Variants in ZNF394 observed in about 807,000 individuals in gnomAD.
ZNF394 encodes the protein zinc finger protein 99.
A neutral mutation model predicts 21.8 loss-of-function variants in ZNF394; 19 were observed. That is an observed-to-expected ratio of 0.87 (90% CI 0.61 to 1.28). The LOEUF is 1.28. Among genes scored for constraint, ZNF394 ranks in the 50% most tolerant of loss-of-function variants. The pLI, the probability that ZNF394 is intolerant of heterozygous loss-of-function variation, is 0.00. For synonymous variants in ZNF394, 294 were observed against 273.3 expected (o/e 1.08, Z -0.75); for missense variants, 683 against 708.6 (o/e 0.96, Z 0.41).
intron 2 of ZNF394, among the ~76,000 whole-genome samples, chr7:99,496,323 TG>T (rs1800309575): frequency 6.6e-6 from 1 of 151,560 alleles, no homozygotes; most frequent in South Asian, 2.1e-4. Context: ...CCCAAAGTGC[TG>T]GGATTACAGG....
intron 1 of ZNF394, among the ~76,000 whole-genome samples, chr7:99,487,753 G>A (rs1378234108): frequency 6.6e-6 from 1 of 151,916 alleles, no homozygotes; most frequent in East Asian, 1.9e-4. Flanking sequence ...AGAAGGCTGG[G>A]TGACAGAGTG....
downstream of ZNF394, among the ~76,000 whole-genome samples, chr7:99,491,106 C>T (rs931602882): frequency 5.3e-5 from 8 of 152,202 alleles, no homozygotes; most frequent in East Asian, 1.9e-4. Context: ...GTCTCCTGAC[C>T]GTGATGGTGG....
downstream of ZNF394, among the ~76,000 whole-genome samples, chr7:99,489,403 T>C (rs1329199033): frequency 6.6e-6 from 1 of 152,196 alleles, no homozygotes; most frequent in African/African-American, 2.4e-5. Flanking sequence ...TGTCTGCACC[T>C]TGTGGCCTGT....
rs1043287509 is a variant in ZNF394, at chr7:99,494,722, C to A, written c.584-91G>T. 11 of 1,424,666 alleles carry A rather than the reference C, an allele frequency of 7.7e-6. No individual in the cohort carries two copies. The African/African-American group carries it at 1.3e-4, about 16-fold the overall frequency. The allele number at this position is 1,424,666 out of a possible 1,614,324, so 88.3% of individuals were successfully genotyped here. On this transcript the variant is annotated intron_variant, in intron 2 of 2. Coordinates refer to ENST00000337673, the MANE Select transcript of ZNF394 (RefSeq NM_032164.4). ...GGCAGAATGTTAAACCCTCAAACCCCTTTTACTTTTTAATTAATTAATTTA... is the reference window on the plus strand; with the variant it reads ...GGCAGAATGTTAAACCCTCAAACCCATTTTACTTTTTAATTAATTAATTTA...
In ZNF394 at chr7:99,494,237, C is replaced by G; in HGVS notation, c.978G>C (p.Trp326Cys). Reference protein sequence around the residue: ...KCKQSFHMVTWHVLKPHKSDS... With the variant: ...KCKQSFHMVTCHVLKPHKSDS... ...CAGACTTGTGAGGTTTCAGCACGTGCCACGTCACCATGTGGAAACTTTGCT... is the reference window on the plus strand; with the variant it reads ...CAGACTTGTGAGGTTTCAGCACGTGGCACGTCACCATGTGGAAACTTTGCT... The change falls in exon 3 of 3, where the codon TGG (tryptophan) becomes TGC (cysteine). Residue 326 changes from tryptophan to cysteine, a missense_variant. Transcript: ENST00000337673. 6.2e-7 allele frequency: 1 copy of G among 1,614,260 alleles called. No individual in the cohort carries two copies. Among genetic ancestry groups the G allele is most frequent in the Non-Finnish European group, 8.5e-7 (1 of 1,180,054 alleles).
Position 99,499,672 on chromosome 7 carries a change from G to C in ZNF394, c.422C>G (p.Ala141Gly), listed in dbSNP as rs763503260. The stretch of plus-strand genomic sequence containing the variant: ...GGTTCCATCGAGCGCTCGCTGCAGA[G>C]CCCGCACCACGGCCACCGCCTCCTC... ...SGEEAVAVVR[A>G]LQRALDGTSS... The change falls in exon 1 of 3, where the codon GCT (alanine) becomes GGT (glycine). Residue 141 changes from alanine to glycine, a missense_variant. Ala to Gly is a moderately conservative substitution (Grantham distance 60). Transcript: ENST00000337673. The C allele has an allele frequency of 1.2e-6, 2 of 1,608,508 alleles. No homozygotes were observed. The highest frequency in any genetic ancestry group is 1.7e-6 in the Non-Finnish European group (2 of 1,178,698).
Position 99,499,695 on chromosome 7 carries a change from C to T in ZNF394, c.399G>A (p.Glu133=). 6.2e-7 allele frequency: 1 copy of T among 1,612,614 alleles called. No homozygotes were observed. The highest frequency in any genetic ancestry group is 8.5e-7 in the Non-Finnish European group (1 of 1,179,772). Residue 133 remains glutamate, a synonymous_variant, in exon 1 of 3, where the codon GAG becomes GAA. Transcript: ENST00000337673. The stretch of plus-strand genomic sequence containing the variant: ...GAGCCCGCACCACGGCCACCGCCTC[C>T]TCCCCGCTCTCTGGGCAGTGCTCTC... ...WVREHCPESG[E]EAVAVVRALQ...
Position 99,493,599 on chromosome 7 carries a change from T to C in ZNF394, c.1616A>G (p.His539Arg). ...ATGAATTCTTTGGTGTCGGATAAGG[T>C]GTGTACTTTGTCTAAATCTTTCCCC... is the stretch of plus-strand genomic sequence containing the variant. ...ECGERFRQST[H>R]LIRHQRIHQN... The change falls in exon 3 of 3, where the codon CAC (histidine) becomes CGC (arginine). Residue 539 changes from histidine (H) to arginine (R), a missense_variant. By Grantham distance (29) the His-to-Arg change is conservative. Coordinates refer to ENST00000337673, the MANE Select transcript of ZNF394 (RefSeq NM_032164.4). 1 of 1,614,118 alleles carries C rather than the reference T, an allele frequency of 6.2e-7. No homozygotes were observed. Among genetic ancestry groups the C allele is most frequent in the South Asian group, 1.1e-5 (1 of 91,080 alleles).
rs745668784 is a variant in ZNF394 at position 99,499,623 on chromosome 7, C to A, written c.456+15G>T. 12 of 1,561,364 alleles carry A rather than the reference C, an allele frequency of 7.7e-6. No individual in the cohort carries two copies. The highest frequency in any genetic ancestry group is 1.0e-5 in the Non-Finnish European group (12 of 1,160,118). On this transcript the variant is annotated intron_variant, in intron 1 of 2. Transcript: ENST00000337673. ...TCCACACTCCCACCTCCAGAACAGG[C>A]CTTTCGCTTCTCACCTGGGATGAGG...
chr7:99,496,373 C>G (rs1299000745), intron 2 of ZNF394, among the ~76,000 whole-genome samples: 1 of 151,608 alleles, frequency 6.6e-6, no homozygotes, highest in Non-Finnish European at 1.5e-5. Context: ...GCAATTTGAG[C>G]AAAGCCCTGA....
chr7:99,497,122 G>GTGTGTGTGTGTGTGTA (rs1322382800), intron 2 of ZNF394, among the ~76,000 whole-genome samples: 3 of 79,450 alleles, frequency 3.8e-5, no homozygotes, highest in African/African-American at 2.2e-4. Flanking sequence ...GTGTGTGTGT[G>GTGTGTGTGTGTGTGTA]TATATATATA....
chr7:99,494,840 T>C (rs1341574105), intron 2 of ZNF394, among the ~76,000 whole-genome samples: 1 of 152,022 alleles, frequency 6.6e-6, no homozygotes, highest in African/African-American at 2.4e-5. Flanking sequence ...GTTCAACTGA[T>C]TATCCTACCT....
chr7:99,498,943 G>T (rs999144912), intron 1 of ZNF394, 101 bp from the exon 2 acceptor site: 6 of 1,422,896 alleles, frequency 4.2e-6, no homozygotes, highest in South Asian at 1.5e-5. Context: ...AGAGATCAGA[G>T]ATAGAGGCTG....
intron 1 of ZNF394, among the ~76,000 whole-genome samples, chr7:99,499,389 G>C (rs1281076362): frequency 8.1e-6 from 1 of 124,144 alleles, no homozygotes; most frequent in East Asian, 2.2e-4. Flanking sequence ...ACAACAGCAA[G>C]AACAACAAGA....
chr7:99,486,717 G>A, exon 2 of ZNF394: 1 of 1,614,204 alleles, frequency 6.2e-7, no homozygotes, highest in East Asian at 2.2e-5. Flanking sequence ...CGCAAACAAG[G>A]TGGAAGCAGG....
At chr7:99,486,672 C>T (rs1193006114) in exon 2 of ZNF394, 1 of 1,614,048 alleles carries the variant, frequency 6.2e-7, no homozygotes, top group African/African-American at 1.3e-5. Context: ...GCAGGGGCTT[C>T]CTTCAAAACC....
At chr7:99,495,412 T>TC (rs1291864373) in intron 2 of ZNF394, among the ~76,000 whole-genome samples, 1 of 144,314 alleles carries the variant, frequency 6.9e-6, no homozygotes, top group Non-Finnish European at 1.5e-5. Flanking sequence ...AACCTCTGCC[T>TC]CCCAGGTTCA....
Position 99,498,748 on chromosome 7 carries a change from G to A in ZNF394, c.551C>T (p.Ala184Val). The A allele has an allele frequency of 2.5e-6, 4 of 1,613,980 alleles. No individual in the cohort carries two copies. The highest frequency in any genetic ancestry group is 1.3e-5 in the African/African-American group (1 of 75,008). Residue 184 changes from alanine to valine, a missense_variant, in exon 2 of 3, where the codon GCG becomes GTG. Physicochemically the swap from Ala to Val is moderately conservative, Grantham distance 64. Around this residue, in one of 3 missense-constraint regions of ZNF394, gnomAD observed 402 missense variants for 373.8 expected, o/e 1.08. Transcript: ENST00000337673. ...AACTGTGCTCCCGGAATCCTTCTGCGCACTCTCTCTGCAGAAGTCCCTCCG... is the reference window on the plus strand; with the variant it reads ...AACTGTGCTCCCGGAATCCTTCTGCACACTCTCTCTGCAGAAGTCCCTCCG... ...PARRDFCRESAQKDSGSTVPP... is the reference protein window; with the variant it reads ...PARRDFCRESVQKDSGSTVPP...
chr7:99,494,315 G>A lies in ZNF394; in HGVS notation c.900C>T (p.His300=), dbSNP rs1800234099. ...CAGTGGGCCTCTCTGCTTTCGGGATGTGCTGACATAGAACAAGGTTGGAAC... is the reference window on the plus strand; with the variant it reads ...CAGTGGGCCTCTCTGCTTTCGGGATATGCTGACATAGAACAAGGTTGGAAC... ...ARCSNLVLCQ[H]IPKAERPTDS... The change falls in exon 3 of 3, where the codon CAC becomes CAT. Residue 300 remains histidine (H), a synonymous_variant. Transcript: ENST00000337673. 6.2e-7 allele frequency: 1 copy of A among 1,614,108 alleles called. No individual in the cohort carries two copies. Among genetic ancestry groups the A allele is most frequent in the Non-Finnish European group, 8.5e-7 (1 of 1,180,058 alleles).
Sources: allele counts gnomAD v4.1 joint callset (sites outside exome capture counted in the v4.1 genomes callset), GRCh38; gene constraint gnomAD v4.1.1; regional missense constraint gnomAD v4.1.1; transcripts MANE v1.5; gene names NCBI Gene and HGNC (gene_info 2026-07-23, HGNC 2026-07-21).